TNNT2: variants seen among roughly 807,000 people sequenced by gnomAD.
The protein encoded by TNNT2 is troponin T, cardiac muscle.
Under a neutral mutation model 62.4 loss-of-function variants are expected in TNNT2, and 34 were observed. The ratio of observed to expected loss-of-function variants is 0.54; its 90% CI spans 0.41 to 0.72. The LOEUF (loss-of-function observed/expected upper bound fraction) is 0.72. TNNT2 is among the 30% of genes least tolerant of loss of function. TNNT2 has a pLI of 0.00. For synonymous variants in TNNT2, 123 were observed against 127.2 expected, an observed-to-expected ratio of 0.97 and a Z score of 0.22; for missense variants, 275 against 381.9, an observed-to-expected ratio of 0.72 and a Z score of 2.33.
At chr1:201,371,697 CA>C (rs1239502372) in intron 4 of TNNT2, among the ~76,000 whole-genome samples, 1 of 151,950 alleles carries the variant, frequency 6.6e-6, no homozygotes, top group Non-Finnish European at 1.5e-5. Context: ...GTACCTTGGG[CA>C]GGGGGGGCCA....
chr1:201,362,531 G>A, intron 12 of TNNT2, 137 bp from the exon 13 acceptor site: 1 of 1,172,800 alleles, frequency 8.5e-7, no homozygotes, highest in African/African-American at 1.5e-5. Context: ...AGTCAGCCGG[G>A]TTTACTAGGA....
In TNNT2 at chr1:201,364,280, G is replaced by A. The variant is rs377743847; in HGVS notation, c.489+18C>T. 164 of 1,609,652 alleles carry A rather than the reference G, an allele frequency of 1.0e-4. 1 individual carries two copies. The highest frequency in any genetic ancestry group is 1.4e-4 in the Non-Finnish European group (160 of 1,179,128). On this transcript the variant is annotated intron_variant, in intron 11 of 16. Transcript: ENST00000656932. ...GAGCATGGGGGGCCTCCATGGGCCT[G>A]GGCTAGGGGTCACTCACAGCCAGGC...
intron 15 of TNNT2, chr1:201,360,875 T>C (rs1019097503): frequency 4.7e-5 from 16 of 339,262 alleles, no homozygotes; most frequent in Non-Finnish European, 8.0e-5. Flanking sequence ...CTCAGCCTAA[T>C]TGTGCCCACA....
At chr1:201,363,124 G>C (rs1571613343) in intron 12 of TNNT2, 172 bp downstream of exon 12, 1 of 985,316 alleles carries the variant, frequency 1.0e-6, no homozygotes, top group African/African-American at 1.7e-5. Flanking sequence ...GCAAGCCGCG[G>C]TCAGGCTGAA....
chr1:201,373,301 A>G, intron 1 of TNNT2, 33 bp from the exon 2 acceptor site: 2 of 1,597,886 alleles, frequency 1.3e-6, no homozygotes, highest in East Asian at 2.2e-5. Context: ...GTGCAGGTAC[A>G]AAGGGAAGCC....
chr1:201,361,221 A>G, intron 15 of TNNT2, 58 bp downstream of exon 15: 2 of 1,544,458 alleles, frequency 1.3e-6, no homozygotes, highest in Non-Finnish European at 1.8e-6. Flanking sequence ...TACCGGACCC[A>G]GTGAACCAGG....
At position 201,364,315 on chromosome 1, in the gene TNNT2, G is replaced by A. The variant is rs730881123; in HGVS notation, c.472C>T (p.Arg158Trp). The change falls in exon 11 of 17, where the codon CGG (arginine) becomes TGG (tryptophan). Residue 158 changes from arginine (R) to tryptophan (W), a missense_variant. Arg to Trp is a moderately radical substitution (Grantham distance 101). Coordinates refer to ENST00000656932, the MANE Select transcript of TNNT2 (RefSeq NM_001276345.2). Reference sequence around the variant, plus strand: ...TCACTCACAGCCAGGCGGTTCTGCCGCTCCTTCTCCCGCTCATTCCGGATG... The same window carrying A: ...TCACTCACAGCCAGGCGGTTCTGCCACTCCTTCTCCCGCTCATTCCGGATG... ...QRIRNEREKERQNRLAEERAR... is the reference protein window; with the variant it reads ...QRIRNEREKEWQNRLAEERAR... 1.2e-6 allele frequency: 2 copies of A among 1,612,732 alleles called. No individual in the cohort carries two copies. The highest frequency in any genetic ancestry group is 1.3e-5 in the African/African-American group (1 of 74,940).
At chr1:201,368,259 C>T in intron 5 of TNNT2, 32 bp from the exon 6 acceptor site, 1 of 1,610,994 alleles carries the variant, frequency 6.2e-7, no homozygotes, top group Non-Finnish European at 8.5e-7. Flanking sequence ...AGTGAAGAAG[C>T]AGGCCCCACT....
At chr1:201,372,560 C>G (rs1660798279) in intron 2 of TNNT2, among the ~76,000 whole-genome samples, 1 of 152,230 alleles carries the variant, frequency 6.6e-6, no homozygotes, top group African/African-American at 2.4e-5. Context: ...CCTGATCTCC[C>G]TCTCCTCAGA....
At chr1:201,367,699 T>G in intron 7 of TNNT2, 72 bp downstream of exon 7, 1 of 1,521,670 alleles carries the variant, frequency 6.6e-7, no homozygotes, top group Non-Finnish European at 9.1e-7. Context: ...AAGAGCACTG[T>G]GGGCATTCTC....
chr1:201,361,425 C>G, intron 14 of TNNT2, 56 bp from the exon 15 acceptor site: 1 of 1,496,752 alleles, frequency 6.7e-7, no homozygotes, highest in Non-Finnish European at 9.3e-7. Flanking sequence ...CCTCCTGGGC[C>G]TCCGTCCTGG....
At chr1:201,366,953 T>C in intron 7 of TNNT2, 82 bp from the exon 8 acceptor site, 1 of 1,610,686 alleles carries the variant, frequency 6.2e-7, no homozygotes, top group Non-Finnish European at 8.5e-7. Flanking sequence ...GCTAGATCCC[T>C]GTGGATTTCC....
rs200153031 is a variant in TNNT2, at chr1:201,369,847, TG to T, written c.68-3del. 2,876 of 1,614,152 alleles carry T rather than the reference TG, an allele frequency of 1.8e-3. 52 individuals are homozygous for T. The East Asian group carries it at 0.05, about 28-fold the overall frequency. ...CGTCCTCTCTCCAGTCCTCCTCTTCTGAGGTTCAGGGAGTGGCCGCAGCGGA... is the reference window on the plus strand; with the variant it reads ...CGTCCTCTCTCCAGTCCTCCTCTTCTAGGTTCAGGGAGTGGCCGCAGCGGA... On this transcript the variant is annotated splice_polypyrimidine_tract_variant and splice_region_variant and intron_variant, in intron 4 of 16. Transcript: ENST00000656932.
intron 5 of TNNT2, chr1:201,369,342 C>T: frequency 2.1e-6 from 1 of 473,232 alleles, no homozygotes; most frequent in Non-Finnish European, 4.4e-6. Context: ...CCTTCCTGCT[C>T]TGGCTATTTC....
Position 201,364,326 on chromosome 1 carries a change from C to T in TNNT2, c.461G>A (p.Arg154Gln), listed in dbSNP as rs745632066. 33 of 1,613,140 alleles carry T rather than the reference C, an allele frequency of 2.0e-5. No individual in the cohort carries two copies. The highest frequency in any genetic ancestry group is 3.3e-4 in the Middle Eastern group (2 of 6,082). The change falls in exon 11 of 17, where the codon CGG becomes CAG. Residue 154 changes from arginine (R) to glutamine (Q), a missense_variant. Transcript: ENST00000656932. ...CAGGCGGTTCTGCCGCTCCTTCTCC[C>T]GCTCATTCCGGATGCGCTGCTGCTC... ...RAEQQRIRNE[R>Q]EKERQNRLAE...
rs1302891372 is a variant in TNNT2 at position 201,359,159 on chromosome 1, C to T, written c.*51G>A. 1.9e-6 allele frequency: 3 copies of T among 1,587,384 alleles called. No homozygotes were observed. Among genetic ancestry groups the T allele is most frequent in the Non-Finnish European group, 2.6e-6 (3 of 1,167,896 alleles). ...GGCCCGGGAACTGGGGGAGTGCAGGCCGGAGGCAGGTGCGAGCGAGGAGCA... is the reference window on the plus strand; with the variant it reads ...GGCCCGGGAACTGGGGGAGTGCAGGTCGGAGGCAGGTGCGAGCGAGGAGCA... On this transcript the variant is annotated 3_prime_UTR_variant, in exon 17 of 17. Coordinates refer to ENST00000656932, the MANE Select transcript of TNNT2 (RefSeq NM_001276345.2).
In TNNT2 at chr1:201,372,202, G is replaced by T. The variant is rs768804098; in HGVS notation, c.42-47C>A. 3.1e-6 allele frequency: 5 copies of T among 1,613,474 alleles called. No individual in the cohort carries two copies. The African/African-American group carries it at 5.3e-5, about 17-fold the overall frequency. ...GTCAGTAGCTCGCACACAAGCACAT[G>T]CAAACACACACGCCTGCACACACAT... On this transcript the variant is annotated intron_variant, in intron 2 of 16. Transcript: ENST00000656932.
intron 16 of TNNT2, 37 bp downstream of exon 16, chr1:201,359,585 AG>A: frequency 1.9e-6 from 3 of 1,581,974 alleles, no homozygotes; most frequent in Admixed American, 1.7e-5. Flanking sequence ...AGGAGGGGGC[AG>A]GGGGAGGGCT....
intron 1 of TNNT2, among the ~76,000 whole-genome samples, chr1:201,376,812 T>C (rs528392880): frequency 1.1e-3 from 169 of 152,156 alleles, no homozygotes; most frequent in Non-Finnish European, 1.7e-3. Context: ...CAAGATGGGG[T>C]GTTGGGGTGG....
Sources: gnomAD v4.1 joint callset for allele counts (sites outside exome capture counted in the v4.1 genomes callset) on GRCh38, gnomAD v4.1.1 for gene constraint, MANE v1.5 for transcripts, NCBI Gene and HGNC (gene_info 2026-07-23, HGNC 2026-07-21) for gene names.